Variants in NELL1 observed in about 807,000 individuals in gnomAD.
NELL1 encodes neural EGFL like 1.
Under a neutral mutation model 107.4 loss-of-function variants are expected in NELL1, and 76 were observed. That is an observed-to-expected ratio of 0.71 (90% CI 0.59 to 0.86). The LOEUF (loss-of-function observed/expected upper bound fraction) is 0.86, where lower values mean the gene tolerates loss of function less well. NELL1 is among the 40% of genes least tolerant of loss of function. The pLI is 0.00. For missense variants in NELL1, 1,024 were observed against 1,005.5 expected (o/e 1.02, Z -0.25); for synonymous variants, 353 against 341.2 (o/e 1.03, Z -0.38).
intron 2 of NELL1, among the ~76,000 whole-genome samples, chr11:20,696,768 G>T (rs1044924058): frequency 8.5e-5 from 13 of 152,198 alleles, no homozygotes; most frequent in Admixed American, 7.9e-4. Flanking sequence ...TTTAAGCAAA[G>T]AATAATTTGT....
intron 13 of NELL1, among the ~76,000 whole-genome samples, chr11:21,124,386 G>T (rs925833270): frequency 6.6e-6 from 1 of 152,164 alleles, no homozygotes; most frequent in Non-Finnish European, 1.5e-5. Context: ...CAATGGCTTT[G>T]CTTCATGTTC....
At chr11:21,324,737 A>G (rs1368480655) in intron 14 of NELL1, among the ~76,000 whole-genome samples, 1 of 152,104 alleles carries the variant, frequency 6.6e-6, no homozygotes, top group East Asian at 1.9e-4. Context: ...GAGATCACTC[A>G]AAATATGATT....
intron 12 of NELL1, among the ~76,000 whole-genome samples, chr11:21,054,358 A>G (rs1025097159): frequency 1.3e-5 from 2 of 152,092 alleles, no homozygotes; most frequent in African/African-American, 4.8e-5. Context: ...TTTATGTACT[A>G]TAGTTATCTA....
chr11:21,189,036 G>A (rs1320314339), intron 13 of NELL1, among the ~76,000 whole-genome samples: 2 of 151,668 alleles, frequency 1.3e-5, no homozygotes, highest in Non-Finnish European at 2.9e-5. Context: ...GTATAGTATT[G>A]TTTGAAATGC....
intron 13 of NELL1, among the ~76,000 whole-genome samples, chr11:21,170,295 C>T (rs1025438113): frequency 6.6e-6 from 1 of 151,712 alleles, no homozygotes; most frequent in Non-Finnish European, 1.5e-5. Context: ...ATGTAGCTCT[C>T]TCTTATATTG....
chr11:21,018,991 G>A (rs545355117), intron 12 of NELL1, among the ~76,000 whole-genome samples: 66 of 152,110 alleles, frequency 4.3e-4, no homozygotes, highest in African/African-American at 1.6e-3. Context: ...GGAAGTTTTC[G>A]CCTATCTTTC....
chr11:20,913,858 G>A (rs910381746), intron 5 of NELL1, among the ~76,000 whole-genome samples: 9 of 148,316 alleles, frequency 6.1e-5, no homozygotes, highest in African/African-American at 1.7e-4. Flanking sequence ...GCGGGGGGAT[G>A]GGGGGAAGAA....
chr11:21,568,744 C>A (rs1048415641), intron 17 of NELL1, among the ~76,000 whole-genome samples: 1 of 151,704 alleles, frequency 6.6e-6, no homozygotes, highest in Non-Finnish European at 1.5e-5. Context: ...TATTTTCCTC[C>A]ATGTCTTGTC....
At chr11:21,121,990 A>C (rs1170716953) in intron 13 of NELL1, among the ~76,000 whole-genome samples, 3 of 152,190 alleles carry the variant, frequency 2.0e-5, no homozygotes, top group Non-Finnish European at 4.4e-5. Context: ...AGACTATCAA[A>C]GCTCATTTAC....
At chr11:20,999,644 G>A (rs1224683962) in intron 12 of NELL1, among the ~76,000 whole-genome samples, 1 of 151,320 alleles carries the variant, frequency 6.6e-6, no homozygotes, top group African/African-American at 2.4e-5. Context: ...CTCAAAATTA[G>A]TAGCCTATCC....
chr11:20,961,288 C>T (rs1453196550), intron 12 of NELL1, among the ~76,000 whole-genome samples: 5 of 152,104 alleles, frequency 3.3e-5, no homozygotes, highest in East Asian at 1.9e-4. Context: ...GGAGTTAGTT[C>T]GACCTGGTCT....
At chr11:20,809,229 C>A (rs575941490) in intron 3 of NELL1, among the ~76,000 whole-genome samples, 3 of 152,132 alleles carry the variant, frequency 2.0e-5, no homozygotes, top group African/African-American at 7.2e-5. Context: ...TTTTAAAATC[C>A]TTTTTAAAAA....
chr11:20,754,998 T>C (rs1337558385), intron 2 of NELL1, among the ~76,000 whole-genome samples: 6 of 152,186 alleles, frequency 3.9e-5, no homozygotes, highest in Non-Finnish European at 8.8e-5. Flanking sequence ...TTCAAATATT[T>C]CGCATTATAC....
At chr11:21,015,837 A>G (rs1207482189) in intron 12 of NELL1, among the ~76,000 whole-genome samples, 1 of 152,066 alleles carries the variant, frequency 6.6e-6, no homozygotes, top group Non-Finnish European at 1.5e-5. Context: ...TCAACACAGT[A>G]TATGCTCCAT....
intron 2 of NELL1, among the ~76,000 whole-genome samples, chr11:20,755,279 C>T (rs1348414225): frequency 1.3e-5 from 2 of 152,146 alleles, no homozygotes; most frequent in East Asian, 3.9e-4. Flanking sequence ...TCACCAGCAT[C>T]CTGGATCCAG....
chr11:20,963,888 A>G (rs975161371), intron 12 of NELL1, among the ~76,000 whole-genome samples: 3 of 152,320 alleles, frequency 2.0e-5, no homozygotes, highest in South Asian at 4.1e-4. Flanking sequence ...TCAGTGGAAA[A>G]GGAAGCACCA....
intron 12 of NELL1, among the ~76,000 whole-genome samples, chr11:21,047,994 C>G (rs1853398700): frequency 6.6e-6 from 1 of 152,170 alleles, no homozygotes; most frequent in African/African-American, 2.4e-5. Flanking sequence ...CCTTTACACC[C>G]TTATGCTGAT....
intron 2 of NELL1, among the ~76,000 whole-genome samples, chr11:20,768,159 G>A (rs1473968915): frequency 6.6e-6 from 1 of 152,148 alleles, no homozygotes; most frequent in East Asian, 1.9e-4. Flanking sequence ...ATATTCATGA[G>A]CTCATTTAAT....
chr11:20,838,932 G>GTGCAATCTTAAGC (rs1848577153), intron 3 of NELL1, among the ~76,000 whole-genome samples: 2 of 152,288 alleles, frequency 1.3e-5, no homozygotes, highest in South Asian at 2.1e-4. Flanking sequence ...TTAAGATGCA[G>GTGCAATCTTAAGC]TTGTGCAATT....
Sources: gnomAD v4.1 joint callset for allele counts (sites outside exome capture counted in the v4.1 genomes callset) on GRCh38, gnomAD v4.1.1 for gene constraint, MANE v1.5 for transcripts, NCBI Gene and HGNC (gene_info 2026-07-23, HGNC 2026-07-21) for gene names.